The following EIF2S1 variants were observed in gnomAD, a reference collection of about 807,000 sequenced individuals.
EIF2S1 encodes the protein eukaryotic translation initiation factor 2 subunit 1.
In EIF2S1, 5 loss-of-function variants were observed where a neutral mutation model predicts 33.5. The ratio of observed to expected loss-of-function variants is 0.15; its 90% CI spans 0.08 to 0.31. EIF2S1 has a LOEUF of 0.31. EIF2S1 is among the 10% of genes least tolerant of loss of function. EIF2S1 has a pLI of 1.00. For synonymous variants in EIF2S1, 99 were observed against 127.5 expected (o/e 0.78, Z 1.51); for missense variants, 191 against 384.6 (o/e 0.50, Z 4.21).
rs1473569791 is a variant in EIF2S1 at position 67,384,142 on chromosome 14, A to C, written c.*702A>C. ...AGATTGATGACAACCTGTGTGAGAG[A>C]ATTTATCACACCACGTCCTTATTGG... On this transcript the variant is annotated 3_prime_UTR_variant, in exon 8 of 8. Coordinates refer to ENST00000256383, the MANE Select transcript of EIF2S1 (RefSeq NM_004094.5). 1 of 152,338 alleles carries C rather than the reference A, an allele frequency of 6.6e-6. No individual in the cohort carries two copies. Among genetic ancestry groups the C allele is most frequent in the Non-Finnish European group, 1.5e-5 (1 of 68,156 alleles). The allele number at this position is 152,338 out of a possible 1,614,324, so 9.4% of individuals were successfully genotyped here. A position where few individuals can be genotyped will look rare whatever the true frequency, so the allele number is the denominator to read the frequency against.
chr14:67,376,582 T>C lies in EIF2S1; in HGVS notation c.465T>C (p.His155=), dbSNP rs2085858678. ...ATGGTGCCTATGATGCATTTAAGCA[T>C]GCAGTCTCGTAAGAATACCTTCTTG... ...PGYGAYDAFK[H]AVSDPSILDS... Residue 155 remains histidine, a synonymous_variant, in exon 4 of 8, where the codon CAT becomes CAC. Transcript: ENST00000256383. The C allele has an allele frequency of 6.2e-7, 1 of 1,613,656 alleles. No individual in the cohort carries two copies. The highest frequency in any genetic ancestry group is 8.5e-7 in the Non-Finnish European group (1 of 1,179,756).
At chr14:67,374,847 T>G (rs539900947) in intron 3 of EIF2S1, among the ~76,000 whole-genome samples, 303 of 152,308 alleles carry the variant, frequency 2.0e-3, no homozygotes, top group Non-Finnish European at 3.6e-3. Flanking sequence ...CAAGTGATCC[T>G]TGAGCCTCAG....
chr14:67,369,273 C>A (rs1014004991), intron 2 of EIF2S1, among the ~76,000 whole-genome samples: 1 of 152,134 alleles, frequency 6.6e-6, no homozygotes, highest in African/African-American at 2.4e-5. Flanking sequence ...CAGATTTAAA[C>A]AGGGACATTT....
At chr14:67,377,845 T>C (rs927397513) in intron 4 of EIF2S1, among the ~76,000 whole-genome samples, 2 of 152,052 alleles carry the variant, frequency 1.3e-5, no homozygotes, top group African/African-American at 4.8e-5. Flanking sequence ...TGGTAGCTCA[T>C]GCCTGTAATC....
intron 7 of EIF2S1, 96 bp from the exon 8 acceptor site, chr14:67,383,219 T>C: frequency 1.5e-6 from 2 of 1,345,262 alleles, no homozygotes; most frequent in Non-Finnish European, 2.0e-6. Flanking sequence ...GTTAGAAAAG[T>C]GTTAAAGAGA....
chr14:67,380,596 T>TATCA, intron 4 of EIF2S1, 63 bp from the exon 5 acceptor site: 2 of 857,560 alleles, frequency 2.3e-6, no homozygotes, highest in Non-Finnish European at 3.5e-6. Context: ...CCATAGTGTT[T>TATCA]GGTTTCACAT....
chr14:67,364,741 AC>A, intron 1 of EIF2S1, 25 bp from the exon 2 acceptor site: 1 of 1,598,076 alleles, frequency 6.3e-7, no homozygotes, highest in Non-Finnish European at 8.5e-7. Flanking sequence ...CTGAATACTT[AC>A]TTAATTCTTT....
Position 67,383,924 on chromosome 14 carries a change from T to C in EIF2S1, c.*484T>C, listed in dbSNP as rs533867013. 11 of 186,016 alleles carry C rather than the reference T, an allele frequency of 5.9e-5. No individual in the cohort carries two copies. The highest frequency in any genetic ancestry group is 2.2e-4 in the Admixed American group (4 of 18,306). 11.5% of individuals were successfully genotyped at this position (186,016 alleles called of 1,614,324 possible). A position where few individuals can be genotyped will look rare whatever the true frequency, so the allele number is the denominator to read the frequency against. The stretch of plus-strand genomic sequence containing the variant: ...TTTAATACTAAGACCCTAATTCTTT[T>C]ATCTTTATTTTAGTCTTGATGTGGA... On this transcript the variant is annotated 3_prime_UTR_variant, in exon 8 of 8. Transcript: ENST00000256383.
At chr14:67,380,565 T>C in intron 4 of EIF2S1, 94 bp from the exon 5 acceptor site, 2 of 559,110 alleles carry the variant, frequency 3.6e-6, no homozygotes, top group Non-Finnish European at 5.9e-6. Flanking sequence ...TATTATATGC[T>C]TAACTATTAT....
intron 2 of EIF2S1, among the ~76,000 whole-genome samples, chr14:67,372,923 T>C (rs2085832992): frequency 1.3e-5 from 2 of 152,124 alleles, no homozygotes; most frequent in South Asian, 2.1e-4. Context: ...CCAGAGAAGA[T>C]AATTGGATAG....
intron 2 of EIF2S1, among the ~76,000 whole-genome samples, chr14:67,366,806 G>C (rs2085781421): frequency 6.8e-6 from 1 of 146,444 alleles, no homozygotes; most frequent in Non-Finnish European, 1.5e-5. Flanking sequence ...GGCCAAAATT[G>C]AAAATTTGAA....
intron 1 of EIF2S1, among the ~76,000 whole-genome samples, chr14:67,363,452 A>G (rs2085755287): frequency 6.6e-6 from 1 of 152,124 alleles, no homozygotes; most frequent in Non-Finnish European, 1.5e-5. Flanking sequence ...ATATATATTA[A>G]TGTTGCTTTT....
intron 1 of EIF2S1, among the ~76,000 whole-genome samples, chr14:67,362,749 TA>T (rs555603851): frequency 8.5e-4 from 128 of 150,828 alleles, no homozygotes; most frequent in East Asian, 5.2e-3. Flanking sequence ...TTTTTTAAGT[TA>T]AAAAAAAAAT....
At chr14:67,361,329 T>C (rs1174036122) in intron 1 of EIF2S1, among the ~76,000 whole-genome samples, 1 of 152,254 alleles carries the variant, frequency 6.6e-6, no homozygotes, top group Non-Finnish European at 1.5e-5. Context: ...GGGGGTGACT[T>C]GTACAGAACT....
At chr14:67,380,799 T>C in intron 5 of EIF2S1, 34 bp downstream of exon 5, 1 of 1,196,768 alleles carries the variant, frequency 8.4e-7, no homozygotes, top group Non-Finnish European at 1.2e-6. Context: ...TTACAGTATT[T>C]TGCATGCATC....
intron 2 of EIF2S1, among the ~76,000 whole-genome samples, chr14:67,371,599 G>C (rs1032998705): frequency 1.3e-5 from 2 of 152,030 alleles, no homozygotes; most frequent in African/African-American, 4.8e-5. Context: ...TTATTCCTAG[G>C]CTACAAACCT....
intron 2 of EIF2S1, among the ~76,000 whole-genome samples, chr14:67,371,816 A>G (rs1277459317): frequency 2.0e-5 from 3 of 152,226 alleles, no homozygotes; most frequent in Non-Finnish European, 4.4e-5. Flanking sequence ...AAACCCAACA[A>G]AGACATGTTT....
In EIF2S1 at chr14:67,383,199, T is replaced by C. The variant is rs2085899201; in HGVS notation, c.823-116T>C. Reference sequence around the variant, plus strand: ...TAAGTCACTCAAAAGTGAACAGATATGACAGAGTTGTTAGAAAAGTGTTAA... The same window carrying C: ...TAAGTCACTCAAAAGTGAACAGATACGACAGAGTTGTTAGAAAAGTGTTAA... On this transcript the variant is annotated intron_variant, in intron 7 of 7. Coordinates refer to ENST00000256383, the MANE Select transcript of EIF2S1 (RefSeq NM_004094.5). The C allele has an allele frequency of 5.2e-6, 6 of 1,161,894 alleles. No individual in the cohort carries two copies. In the African/African-American group the frequency reaches 6.2e-5, roughly 12 times the overall value. The allele number at this position is 1,161,894 out of a possible 1,614,324, so 72.0% of individuals were successfully genotyped here.
At chr14:67,380,597 G>GT in intron 4 of EIF2S1, 62 bp from the exon 5 acceptor site, 2 of 859,748 alleles carry the variant, frequency 2.3e-6, no homozygotes, top group Non-Finnish European at 3.5e-6. Context: ...CATAGTGTTT[G>GT]GTTTCACATT....
Sources: gnomAD v4.1 joint callset for allele counts (sites outside exome capture counted in the v4.1 genomes callset) on GRCh38, gnomAD v4.1.1 for gene constraint, MANE v1.5 for transcripts, NCBI Gene and HGNC (gene_info 2026-07-23, HGNC 2026-07-21) for gene names.